HPSE2: variants seen among roughly 807,000 people sequenced by gnomAD.
HPSE2 encodes the protein heparanase 2 (inactive).
HPSE2 carries 38 observed loss-of-function variants against 60.5 expected under a neutral mutation model. The ratio of observed to expected loss-of-function variants is 0.63; its 90% confidence interval spans 0.48 to 0.82. HPSE2 has a LOEUF of 0.82. HPSE2 is among the 40% of genes least tolerant of loss of function. HPSE2 has a pLI of 0.00. For missense variants in HPSE2, 713 were observed against 740.4 expected (o/e 0.96, Z 0.43); for synonymous variants, 295 against 293.2 (o/e 1.01, Z -0.06).
chr10:99,076,028 C>T lies in HPSE2; in HGVS notation c.610+68210G>A, dbSNP rs942576817. Among the ~76,000 whole-genome samples the T allele has an allele frequency of 4.6e-5, 7 of 152,154 alleles. No individual in the cohort carries two copies. In the South Asian group the frequency reaches 6.2e-4, roughly 13 times the overall value. ...AAACCACTTACATGTAATGTAACCA[C>T]TGATAGGAAAGGACCATTTTTTTCA... On this transcript the variant is annotated intron_variant, in intron 3 of 11. Transcript: ENST00000370552.
At chr10:98,940,317 A>G (rs1359184696) in intron 3 of HPSE2, among the ~76,000 whole-genome samples, 1 of 143,996 alleles carries the variant, frequency 6.9e-6, no homozygotes, top group East Asian at 2.0e-4. Context: ...AAGGATCAAC[A>G]AAATTGACAG....
chr10:98,549,688 G>C (rs1029240726), intron 9 of HPSE2, among the ~76,000 whole-genome samples: 1 of 152,048 alleles, frequency 6.6e-6, no homozygotes, highest in Non-Finnish European at 1.5e-5. Context: ...AAATATGAGG[G>C]CTTTTCTTTG....
chr10:98,911,139 G>T (rs1245440484), intron 3 of HPSE2, among the ~76,000 whole-genome samples: 1 of 152,192 alleles, frequency 6.6e-6, no homozygotes, highest in Non-Finnish European at 1.5e-5. Context: ...GAGGGTAAAA[G>T]ACCTCAACAA....
the HPSE2 span, among the ~76,000 whole-genome samples, chr10:99,307,351 A>G: frequency 6.6e-6 from 1 of 152,220 alleles, no homozygotes; most frequent in Non-Finnish European, 1.5e-5. Context: ...CACTAGACTT[A>G]GGGGAATGAC....
chr10:99,119,156 C>G (rs149212789), intron 3 of HPSE2, among the ~76,000 whole-genome samples: 7 of 150,524 alleles, frequency 4.7e-5, no homozygotes, highest in South Asian at 2.1e-4. Context: ...GGAAGCCAAA[C>G]TATACCTGTT....
At chr10:98,803,707 C>T (rs1950973400) in intron 3 of HPSE2, among the ~76,000 whole-genome samples, 1 of 150,798 alleles carries the variant, frequency 6.6e-6, no homozygotes, top group African/African-American at 2.5e-5. Flanking sequence ...CAGTAGCATG[C>T]TGTTTTGGTT....
intron 3 of HPSE2, among the ~76,000 whole-genome samples, chr10:99,068,270 G>A (rs370465528): frequency 1.3e-4 from 20 of 152,184 alleles, no homozygotes; most frequent in East Asian, 7.7e-4. Flanking sequence ...TTACAGCAGC[G>A]CCCCACTACT....
intron 3 of HPSE2, among the ~76,000 whole-genome samples, chr10:98,772,005 G>C (rs1277635113): frequency 6.6e-6 from 1 of 152,204 alleles, no homozygotes; most frequent in African/African-American, 2.4e-5. Context: ...GTGCTGGTGA[G>C]AGGCACACAG....
At chr10:99,236,881 C>T (rs190982724), upstream of HPSE2, among the ~76,000 whole-genome samples, 1,134 of 151,216 alleles carry the variant, frequency 7.5e-3, 17 homozygotes, top group African/African-American at 0.027. Flanking sequence ...CAGGTAGAGT[C>T]CCCCCTCCAG....
At chr10:98,781,505 G>A (rs1275949679) in intron 3 of HPSE2, among the ~76,000 whole-genome samples, 6 of 152,022 alleles carry the variant, frequency 3.9e-5, no homozygotes, top group African/African-American at 7.2e-5. Context: ...TAACATAAAC[G>A]AAGTGCTAAC....
chr10:98,756,137 A>G (rs1049803933), intron 3 of HPSE2, among the ~76,000 whole-genome samples: 2 of 152,238 alleles, frequency 1.3e-5, no homozygotes, highest in Admixed American at 6.5e-5. Context: ...ATGAAAACAA[A>G]GATACAACAT....
chr10:98,841,189 C>T (rs112255710), intron 3 of HPSE2, among the ~76,000 whole-genome samples: 21,984 of 151,376 alleles, frequency 0.15, 2,181 homozygotes, highest in African/African-American at 0.27. Context: ...ACCCTGGAGG[C>T]GGAGGTTACA....
At chr10:99,253,379 G>A in the HPSE2 span, among the ~76,000 whole-genome samples, 2 of 152,146 alleles carry the variant, frequency 1.3e-5, no homozygotes, top group South Asian at 2.1e-4. Context: ...AACAAAAAAA[G>A]CAATGGGGAA....
intron 9 of HPSE2, among the ~76,000 whole-genome samples, chr10:98,492,800 A>AT (rs149582682): frequency 0.087 from 13,161 of 151,384 alleles, 1,802 homozygotes; most frequent in African/African-American, 0.29. Flanking sequence ...TTTTTTCCCA[A>AT]TTTTTTTTTA....
chr10:99,138,141 T>C (rs1845729910), intron 3 of HPSE2, among the ~76,000 whole-genome samples: 1 of 152,130 alleles, frequency 6.6e-6, no homozygotes, highest in Non-Finnish European at 1.5e-5. Flanking sequence ...TATGAAAAAA[T>C]GCTCATCATC....
intron 3 of HPSE2, among the ~76,000 whole-genome samples, chr10:99,082,465 C>G (rs1422335770): frequency 6.6e-6 from 1 of 152,194 alleles, no homozygotes; most frequent in East Asian, 1.9e-4. Flanking sequence ...CTGTCTGTTG[C>G]TACTGCTTTC....
intron 3 of HPSE2, among the ~76,000 whole-genome samples, chr10:99,087,003 G>C (rs1171537922): frequency 6.6e-6 from 1 of 152,200 alleles, no homozygotes; most frequent in East Asian, 1.9e-4. Context: ...GCACTAGCTT[G>C]AAGAATGTTT....
chr10:99,246,512 C>T, the HPSE2 span, among the ~76,000 whole-genome samples: 1 of 152,174 alleles, frequency 6.6e-6, no homozygotes, highest in South Asian at 2.1e-4. Context: ...TTTGGGAGGC[C>T]AAGGCAAGCG....
chr10:98,659,627 A>G (rs1947170921), intron 6 of HPSE2, among the ~76,000 whole-genome samples: 1 of 152,186 alleles, frequency 6.6e-6, no homozygotes, highest in South Asian at 2.1e-4. Flanking sequence ...ATGAATATTC[A>G]TGAACATATA....
Sources: allele counts gnomAD v4.1 joint callset (sites outside exome capture counted in the v4.1 genomes callset), GRCh38; gene constraint gnomAD v4.1.1; transcripts MANE v1.5; gene names NCBI Gene and HGNC (gene_info 2026-07-23, HGNC 2026-07-21).